The following HDAC4 variants were observed in gnomAD, a reference collection of about 807,000 sequenced individuals.
HDAC4 encodes the protein histone deacetylase A.
A neutral mutation model predicts 135.1 loss-of-function variants in HDAC4; 16 were observed. The observed-to-expected ratio is 0.12, with a 90% CI of 0.08 to 0.18. HDAC4 has a LOEUF of 0.18. Among genes scored for constraint, HDAC4 ranks in the 10% least tolerant of loss-of-function variants. The pLI is 1.00. For missense variants in HDAC4, 1,143 were observed against 1,511.8 expected, an observed-to-expected ratio of 0.76 and a Z score of 4.05; for synonymous variants, 685 against 653.4, an observed-to-expected ratio of 1.05 and a Z score of -0.74.
At chr2:239,118,498 G>T (rs542534561) in intron 12 of HDAC4, among the ~76,000 whole-genome samples, 1 of 152,196 alleles carries the variant, frequency 6.6e-6, no homozygotes, top group East Asian at 1.9e-4. Flanking sequence ...GTGGCCGCGC[G>T]TCGGGAACAG....
intron 2 of HDAC4, among the ~76,000 whole-genome samples, chr2:239,286,371 G>C (rs1445718804): frequency 6.6e-6 from 1 of 152,206 alleles, no homozygotes; most frequent in Non-Finnish European, 1.5e-5. Context: ...AGATCCTGAC[G>C]AAGAAATCAG....
At chr2:239,222,294 G>A (rs901436224) in intron 3 of HDAC4, among the ~76,000 whole-genome samples, 1 of 152,176 alleles carries the variant, frequency 6.6e-6, no homozygotes, top group African/African-American at 2.4e-5. Context: ...GCAAGTGTTA[G>A]ATTTTTTCCC....
chr2:239,131,856 G>A (rs1315435489), intron 11 of HDAC4, among the ~76,000 whole-genome samples: 2 of 152,236 alleles, frequency 1.3e-5, no homozygotes, highest in African/African-American at 4.8e-5. Context: ...ACAGCTCCCC[G>A]TGGCTGGTGG....
At chr2:239,261,996 C>T (rs1280081062) in intron 2 of HDAC4, among the ~76,000 whole-genome samples, 5 of 152,206 alleles carry the variant, frequency 3.3e-5, no homozygotes, top group Admixed American at 6.5e-5. Flanking sequence ...AGGTTGGCCT[C>T]TTCCCTGAAG....
intron 1 of HDAC4, among the ~76,000 whole-genome samples, chr2:239,397,163 G>A (rs958500536): frequency 6.6e-6 from 1 of 152,228 alleles, no homozygotes; most frequent in Non-Finnish European, 1.5e-5. Context: ...CAAGCACCTC[G>A]ACAAGCTGAA....
At chr2:239,134,166 A>T in intron 11 of HDAC4, 79 bp downstream of exon 11, 1 of 1,171,302 alleles carries the variant, frequency 8.5e-7, no homozygotes, top group Non-Finnish European at 1.2e-6. Context: ...GTCTCCTCCA[A>T]AGGCAGGCGA....
At chr2:239,250,767 G>A (rs1405668382) in intron 2 of HDAC4, among the ~76,000 whole-genome samples, 1 of 152,232 alleles carries the variant, frequency 6.6e-6, no homozygotes, top group African/African-American at 2.4e-5. Flanking sequence ...GGACTGCTGT[G>A]TTCCAGCCAG....
chr2:239,370,200 G>A lies in HDAC4; in HGVS notation c.-219-17282C>T, dbSNP rs549184184. Among the ~76,000 whole-genome samples, 3 of 152,282 alleles carry A rather than the reference G, an allele frequency of 2.0e-5. No homozygotes were observed. In the South Asian group the frequency reaches 6.2e-4, roughly 32 times the overall value. On this transcript the variant is annotated intron_variant, in intron 1 of 26. Coordinates refer to ENST00000543185, the MANE Select transcript of HDAC4 (RefSeq NM_001378414.1). Reference sequence around the variant, plus strand: ...AGTTTAAAAATGCAAAGACAACCATGCAACCCTTAGCCATGGGCCACCAAC... The same window carrying A: ...AGTTTAAAAATGCAAAGACAACCATACAACCCTTAGCCATGGGCCACCAAC...
chr2:239,131,604 C>T (rs928700322), intron 11 of HDAC4, among the ~76,000 whole-genome samples: 3 of 152,018 alleles, frequency 2.0e-5, no homozygotes, highest in East Asian at 3.9e-4. Context: ...GGGCTGGCTG[C>T]GGTCTGGTCC....
At chr2:239,087,378 G>A (rs1201923889) in intron 19 of HDAC4, among the ~76,000 whole-genome samples, 181 bp downstream of exon 19, 1 of 152,164 alleles carries the variant, frequency 6.6e-6, no homozygotes, top group Non-Finnish European at 1.5e-5. Flanking sequence ...AGTGATGCTC[G>A]CAGACTTTGG....
intron 2 of HDAC4, among the ~76,000 whole-genome samples, chr2:239,341,419 T>A (rs942381753): frequency 6.6e-6 from 1 of 152,206 alleles, no homozygotes; most frequent in Non-Finnish European, 1.5e-5. Flanking sequence ...CCCACCTGAT[T>A]TGGATTCAGT....
chr2:239,228,073 G>C (rs1156304136), intron 3 of HDAC4, among the ~76,000 whole-genome samples: 2 of 152,200 alleles, frequency 1.3e-5, no homozygotes, highest in Non-Finnish European at 2.9e-5. Context: ...TTGAGCTGCA[G>C]GAAGGGCAGA....
At chr2:239,355,601 G>A (rs1693439459) in intron 1 of HDAC4, among the ~76,000 whole-genome samples, 1 of 152,080 alleles carries the variant, frequency 6.6e-6, no homozygotes, top group African/African-American at 2.4e-5. Flanking sequence ...ATTTTTTCCT[G>A]ATTTAATTTC....
rs543411731 is a variant in HDAC4 at position 239,162,002 on chromosome 2, C to T, written c.611+1801G>A. On this transcript the variant is annotated intron_variant, in intron 6 of 26. Transcript: ENST00000543185. Reference sequence around the variant, plus strand: ...GCCCGGCTTCTATTCCTGCTGGCCTCGGCCCCCCGTCCACTGTCCACTGAC... The same window carrying T: ...GCCCGGCTTCTATTCCTGCTGGCCTTGGCCCCCCGTCCACTGTCCACTGAC... 123 of 407,182 alleles carry T rather than the reference C, an allele frequency of 3.0e-4. No individual in the cohort carries two copies. In the East Asian group the frequency reaches 4.5e-3, roughly 15 times the overall value. The allele number at this position is 407,182 out of a possible 1,614,324, so 25.2% of individuals were successfully genotyped here. A position where few individuals can be genotyped will look rare whatever the true frequency, so the allele number is the denominator to read the frequency against.
intron 2 of HDAC4, among the ~76,000 whole-genome samples, chr2:239,300,339 C>T (rs1222963447): frequency 1.3e-5 from 2 of 152,216 alleles, no homozygotes; most frequent in African/African-American, 2.4e-5. Flanking sequence ...CATGTGGTTA[C>T]TTAAATTGAA....
intron 1 of HDAC4, among the ~76,000 whole-genome samples, chr2:239,378,318 G>A (rs1198762613): frequency 6.6e-6 from 1 of 152,202 alleles, no homozygotes; most frequent in Non-Finnish European, 1.5e-5. Context: ...CAGAGTCCAG[G>A]ATGGAGACGG....
chr2:239,241,341 T>A (rs2037554), intron 2 of HDAC4, among the ~76,000 whole-genome samples: 24,321 of 152,150 alleles, frequency 0.16, 2,793 homozygotes, highest in East Asian at 0.37. Context: ...CAGGTTGGGG[T>A]GAAAGGGTGT....
At chr2:239,079,716 G>A (rs1220583833) in intron 22 of HDAC4, among the ~76,000 whole-genome samples, 1 of 152,108 alleles carries the variant, frequency 6.6e-6, no homozygotes, top group Non-Finnish European at 1.5e-5. Flanking sequence ...AGACACACAA[G>A]CACACGTGTG....
chr2:239,103,767 G>C (rs2152768816), intron 15 of HDAC4, among the ~76,000 whole-genome samples: 1 of 152,378 alleles, frequency 6.6e-6, no homozygotes, highest in Non-Finnish European at 1.5e-5. Flanking sequence ...CGAAGCTCGA[G>C]GGCTCTCTAT....
Sources: allele counts gnomAD v4.1 joint callset (sites outside exome capture counted in the v4.1 genomes callset), GRCh38; gene constraint gnomAD v4.1.1; transcripts MANE v1.5; gene names NCBI Gene and HGNC (gene_info 2026-07-23, HGNC 2026-07-21).